The following LRP1B variants were observed in gnomAD, a reference collection of about 807,000 sequenced individuals.
LRP1B encodes the protein LDL receptor related protein 1B.
In LRP1B, 217 loss-of-function variants were observed where a neutral mutation model predicts 556.6. The ratio of observed to expected loss-of-function variants is 0.39; its 90% confidence interval spans 0.35 to 0.44. The LOEUF is 0.44. Ranked by LOEUF, LRP1B falls within the 20% of genes least tolerant of loss-of-function variation. LRP1B has a pLI of 1.00. For synonymous variants in LRP1B, 2,047 were observed against 1,865.8 expected (o/e 1.10, Z -2.50); for missense variants, 5,053 against 5,620.8 (o/e 0.90, Z 3.23).
chr2:142,094,483 T>C (rs753241811), intron 1 of LRP1B, among the ~76,000 whole-genome samples: 15 of 152,028 alleles, frequency 9.9e-5, no homozygotes, highest in Non-Finnish European at 1.8e-4. Flanking sequence ...CGAAGGGTTC[T>C]TGTTACAAAT....
intron 1 of LRP1B, among the ~76,000 whole-genome samples, chr2:142,120,655 T>C (rs989577490): frequency 6.6e-6 from 1 of 152,216 alleles, no homozygotes; most frequent in Admixed American, 6.5e-5. Flanking sequence ...TGCCTGTTTC[T>C]TTTGCTATTA....
At chr2:141,729,981 TC>T (rs1693210156) in intron 2 of LRP1B, among the ~76,000 whole-genome samples, 1 of 152,112 alleles carries the variant, frequency 6.6e-6, no homozygotes, top group Non-Finnish European at 1.5e-5. Context: ...GTGCATTAAA[TC>T]AAAGCATTTT....
chr2:141,287,271 G>A (rs576680194), intron 3 of LRP1B, among the ~76,000 whole-genome samples: 3 of 151,056 alleles, frequency 2.0e-5, no homozygotes, highest in East Asian at 3.9e-4. Context: ...CTTTATAATA[G>A]CCTAAGGGAG....
intron 1 of LRP1B, among the ~76,000 whole-genome samples, chr2:141,873,949 A>T (rs890991198): frequency 6.6e-6 from 1 of 152,008 alleles, no homozygotes; most frequent in African/African-American, 2.4e-5. Flanking sequence ...CCAGATCAAG[A>T]CATACAATAA....
chr2:140,967,405 G>T (rs910791037), intron 18 of LRP1B, among the ~76,000 whole-genome samples: 1 of 151,854 alleles, frequency 6.6e-6, no homozygotes, highest in Admixed American at 6.6e-5. Context: ...CTGAGACTTT[G>T]CTGAAGTTGC....
intron 23 of LRP1B, among the ~76,000 whole-genome samples, chr2:140,895,773 C>A (rs1238800749): frequency 6.6e-6 from 1 of 152,084 alleles, no homozygotes; most frequent in Non-Finnish European, 1.5e-5. Context: ...AGGTGGTCTT[C>A]CCCTGGAGTT....
At chr2:140,317,334 AAT>A (rs1338949910) in intron 82 of LRP1B, among the ~76,000 whole-genome samples, 1 of 152,062 alleles carries the variant, frequency 6.6e-6, no homozygotes, top group East Asian at 1.9e-4. Flanking sequence ...GATGACCCAA[AAT>A]AGAGTAATGT....
At chr2:141,041,556 G>A (rs1165303386) in intron 11 of LRP1B, among the ~76,000 whole-genome samples, 2 of 151,952 alleles carry the variant, frequency 1.3e-5, no homozygotes, top group African/African-American at 4.8e-5. Flanking sequence ...ATTTCCTTGT[G>A]ATTACATTTA....
intron 1 of LRP1B, among the ~76,000 whole-genome samples, chr2:141,945,178 A>T (rs999807738): frequency 7.9e-5 from 12 of 152,054 alleles, no homozygotes; most frequent in African/African-American, 2.4e-4. Flanking sequence ...CACATTCTTT[A>T]TGCTTTACAT....
intron 1 of LRP1B, among the ~76,000 whole-genome samples, chr2:142,044,573 T>G (rs1704188447): frequency 6.6e-6 from 1 of 151,826 alleles, no homozygotes; most frequent in African/African-American, 2.4e-5. Flanking sequence ...CACTTTCAAC[T>G]ATTTTATGTA....
At chr2:140,373,877 C>T (rs1328608727) in intron 68 of LRP1B, among the ~76,000 whole-genome samples, 1 of 152,092 alleles carries the variant, frequency 6.6e-6, no homozygotes, top group Non-Finnish European at 1.5e-5. Flanking sequence ...GTGAAACAAA[C>T]AAAAATCCTA....
chr2:141,426,540 A>C (rs1680370274), intron 3 of LRP1B, among the ~76,000 whole-genome samples: 1 of 151,768 alleles, frequency 6.6e-6, no homozygotes, highest in South Asian at 2.1e-4. Context: ...GCTTCTTTGA[A>C]ATGACAAAGA....
chr2:141,857,174 G>T (rs1004219131), intron 1 of LRP1B, among the ~76,000 whole-genome samples: 5 of 151,960 alleles, frequency 3.3e-5, no homozygotes, highest in African/African-American at 1.2e-4. Context: ...TAAGTTAGAG[G>T]TATAAAGTCA....
chr2:140,618,488 T>C (rs1683333965), intron 41 of LRP1B, among the ~76,000 whole-genome samples: 2 of 152,132 alleles, frequency 1.3e-5, no homozygotes, highest in African/African-American at 4.8e-5. Context: ...AAAAATTCAA[T>C]AATCCTTTAG....
At chr2:142,114,921 T>C (rs1707129690) in intron 1 of LRP1B, among the ~76,000 whole-genome samples, 1 of 152,078 alleles carries the variant, frequency 6.6e-6, no homozygotes, top group African/African-American at 2.4e-5. Flanking sequence ...AAAGAAATAA[T>C]AAATGTTTGA....
rs983714951 is a variant in LRP1B at position 140,451,110 on chromosome 2, T to G, written c.9964-449A>C. The stretch of plus-strand genomic sequence containing the variant: ...GTACATGCCACCTCGCCCAGAAAAT[T>G]TTTATATTTTTTGTAAAGATGAGGT... On this transcript the variant is annotated intron_variant, in intron 62 of 90. Coordinates refer to ENST00000389484, the MANE Select transcript of LRP1B (RefSeq NM_018557.3). Among the ~76,000 whole-genome samples the G allele has an allele frequency of 2.6e-5, 4 of 152,210 alleles. No homozygotes were observed. In the South Asian group the frequency reaches 6.2e-4, roughly 24 times the overall value.
At chr2:140,754,753 T>G (rs1688687288) in intron 35 of LRP1B, among the ~76,000 whole-genome samples, 1 of 139,282 alleles carries the variant, frequency 7.2e-6, no homozygotes, top group Non-Finnish European at 1.5e-5. Context: ...AACCTAATCT[T>G]CTTGCTTAAG....
At chr2:141,149,453 G>A (rs556492587) in intron 7 of LRP1B, among the ~76,000 whole-genome samples, 6 of 152,252 alleles carry the variant, frequency 3.9e-5, no homozygotes, top group Non-Finnish European at 8.8e-5. Flanking sequence ...CTTCTCAATG[G>A]TTTACCTTTA....
chr2:141,052,976 A>G (rs1699079238), intron 10 of LRP1B, among the ~76,000 whole-genome samples: 1 of 152,058 alleles, frequency 6.6e-6, no homozygotes, highest in African/African-American at 2.4e-5. Context: ...TTGGTAATTG[A>G]TAAACCTAGT....
Sources: gnomAD v4.1 joint callset for allele counts (sites outside exome capture counted in the v4.1 genomes callset) on GRCh38, gnomAD v4.1.1 for gene constraint, MANE v1.5 for transcripts, NCBI Gene and HGNC (gene_info 2026-07-23, HGNC 2026-07-21) for gene names.